Variants in CNTN5 observed in about 807,000 individuals in gnomAD.
The protein encoded by CNTN5 is contactin 5, also known as contactin-5.
In CNTN5, 77 loss-of-function variants were observed where a neutral mutation model predicts 129.1. The ratio of observed to expected loss-of-function variants is 0.60; its 90% CI spans 0.50 to 0.72. CNTN5 has a LOEUF of 0.72. Ranked by LOEUF, CNTN5 falls within the 30% of genes least tolerant of loss-of-function variation. The pLI is 0.00. For missense variants in CNTN5, 1,478 were observed against 1,328.8 expected (o/e 1.11, Z -1.75); for synonymous variants, 509 against 465.6 (o/e 1.09, Z -1.20).
intron 2 of CNTN5, among the ~76,000 whole-genome samples, chr11:99,346,286 GAATTA>G (rs1349149325): frequency 1.3e-5 from 2 of 152,140 alleles, no homozygotes; most frequent in African/African-American, 2.4e-5. Flanking sequence ...ACAAAGAATT[GAATTA>G]ATTTTGAAAA....
chr11:100,292,844 C>A (rs1165581697), intron 18 of CNTN5, among the ~76,000 whole-genome samples: 1 of 151,956 alleles, frequency 6.6e-6, no homozygotes, highest in Non-Finnish European at 1.5e-5. Context: ...TCTGAGATTA[C>A]ATGTGACTCA....
At chr11:99,393,451 T>C (rs947197105) in intron 2 of CNTN5, among the ~76,000 whole-genome samples, 7 of 151,732 alleles carry the variant, frequency 4.6e-5, no homozygotes, top group African/African-American at 1.7e-4. Flanking sequence ...CTCACAACTG[T>C]ATATGGTAGG....
At chr11:100,272,476 A>G (rs1480846371) in intron 18 of CNTN5, among the ~76,000 whole-genome samples, 1 of 151,964 alleles carries the variant, frequency 6.6e-6, no homozygotes, top group Non-Finnish European at 1.5e-5. Context: ...AAAACATATT[A>G]TGGCCCTCTC....
At chr11:100,247,549 G>A (rs1949868674) in intron 16 of CNTN5, among the ~76,000 whole-genome samples, 1 of 152,088 alleles carries the variant, frequency 6.6e-6, no homozygotes, top group Admixed American at 6.6e-5. Context: ...TGAGGAGAAG[G>A]TAAAGAAGGA....
intron 3 of CNTN5, among the ~76,000 whole-genome samples, chr11:99,772,541 T>G (rs1286322831): frequency 6.6e-6 from 1 of 152,082 alleles, no homozygotes; most frequent in East Asian, 1.9e-4. Context: ...CCTTCCTGTT[T>G]CACTGATACT....
intron 2 of CNTN5, among the ~76,000 whole-genome samples, chr11:99,399,850 ATTT>A (rs543807071): frequency 6.5e-4 from 98 of 151,140 alleles, no homozygotes; most frequent in African/African-American, 2.3e-3. Flanking sequence ...TTTTTCTATA[ATTT>A]TTTATTTTTA....
chr11:99,735,735 T>C (rs1318092505), intron 3 of CNTN5, among the ~76,000 whole-genome samples: 2 of 152,200 alleles, frequency 1.3e-5, no homozygotes, highest in African/African-American at 4.8e-5. Flanking sequence ...ATATACCTTG[T>C]GTATCACCAG....
intron 4 of CNTN5, among the ~76,000 whole-genome samples, chr11:99,835,442 G>A (rs900521496): frequency 1.3e-5 from 2 of 152,140 alleles, no homozygotes; most frequent in Non-Finnish European, 2.9e-5. Flanking sequence ...GCCCAGAGGT[G>A]AGGCAATAGG....
intron 2 of CNTN5, among the ~76,000 whole-genome samples, chr11:99,389,430 T>C (rs560000539): frequency 6.6e-6 from 1 of 152,332 alleles, no homozygotes; most frequent in South Asian, 2.1e-4. Flanking sequence ...CTGTATTGTG[T>C]ATAATCAGGT....
At chr11:99,858,509 T>C (rs1948108898) in intron 6 of CNTN5, among the ~76,000 whole-genome samples, 1 of 151,884 alleles carries the variant, frequency 6.6e-6, no homozygotes, top group Non-Finnish European at 1.5e-5. Context: ...ATTTCCTAAA[T>C]TCCATTATAA....
intron 9 of CNTN5, among the ~76,000 whole-genome samples, chr11:100,029,446 G>C (rs964389985): frequency 1.3e-5 from 2 of 152,052 alleles, no homozygotes; most frequent in African/African-American, 4.8e-5. Flanking sequence ...AGCCGGGCGA[G>C]GTGGCAGGCG....
intron 3 of CNTN5, among the ~76,000 whole-genome samples, chr11:99,642,752 C>T (rs1221255281): frequency 6.6e-6 from 1 of 152,162 alleles, no homozygotes; most frequent in East Asian, 1.9e-4. Context: ...CCATCCTCTT[C>T]TCCCCTCTAC....
At chr11:99,100,493 T>A (rs1344284965) in intron 1 of CNTN5, among the ~76,000 whole-genome samples, 1 of 152,144 alleles carries the variant, frequency 6.6e-6, no homozygotes, top group Non-Finnish European at 1.5e-5. Context: ...TATTAAATAT[T>A]GTAATTTTCA....
chr11:99,043,748 A>C (rs549091386), intron 1 of CNTN5, among the ~76,000 whole-genome samples: 28 of 152,198 alleles, frequency 1.8e-4, no homozygotes, highest in Non-Finnish European at 3.8e-4. Context: ...AAATTAAGAC[A>C]GTCTCAGTTT....
At chr11:99,875,885 A>AT (rs1177774658) in intron 6 of CNTN5, among the ~76,000 whole-genome samples, 4 of 152,142 alleles carry the variant, frequency 2.6e-5, no homozygotes, top group Non-Finnish European at 5.9e-5. Context: ...ATATAAGGTC[A>AT]TTTTTGTAGT....
chr11:99,639,559 GTT>G (rs71050010), intron 3 of CNTN5, among the ~76,000 whole-genome samples: 30 of 70,298 alleles, frequency 4.3e-4, no homozygotes, highest in East Asian at 3.5e-3. Context: ...TCACCTTTAT[GTT>G]TTTTTTTTTT....
intron 6 of CNTN5, among the ~76,000 whole-genome samples, chr11:99,912,727 T>C (rs895475741): frequency 6.6e-6 from 1 of 151,792 alleles, no homozygotes; most frequent in Non-Finnish European, 1.5e-5. Flanking sequence ...AGCTCTTCTT[T>C]TAAACCCTGT....
intron 1 of CNTN5, among the ~76,000 whole-genome samples, chr11:99,080,376 G>A (rs749882215): frequency 3.1e-4 from 47 of 152,294 alleles, no homozygotes; most frequent in Admixed American, 9.2e-4. Context: ...TGTGGAGAGA[G>A]CATTTGAAAG....
chr11:99,606,305 A>G (rs1290240523), intron 3 of CNTN5, among the ~76,000 whole-genome samples: 1 of 131,172 alleles, frequency 7.6e-6, no homozygotes, highest in Non-Finnish European at 1.6e-5. Context: ...CACCAACAAC[A>G]GACAAACAGA....
Sources: allele counts gnomAD v4.1 joint callset (sites outside exome capture counted in the v4.1 genomes callset), GRCh38; gene constraint gnomAD v4.1.1; transcripts MANE v1.5; gene names NCBI Gene and HGNC (gene_info 2026-07-23, HGNC 2026-07-21).